Variants in GNA12 observed in about 807,000 individuals in gnomAD.
GNA12 encodes the protein G protein subunit alpha 12, also known as guanine nucleotide-binding protein subunit alpha-12.
In GNA12, 9 loss-of-function variants were observed where a neutral mutation model predicts 26.0. The ratio of observed to expected loss-of-function variants is 0.35; its 90% CI spans 0.21 to 0.60. The LOEUF is 0.60. GNA12 is among the 20% of genes least tolerant of loss of function. GNA12 has a pLI of 0.78. For missense variants in GNA12, 405 were observed against 525.8 expected, an observed-to-expected ratio of 0.77 and a Z score of 2.25; for synonymous variants, 264 against 219.6, an observed-to-expected ratio of 1.20 and a Z score of -1.79.
chr7:2,765,054 A>G (rs1791746692), intron 2 of GNA12: 1 of 152,226 alleles, frequency 6.6e-6, no homozygotes, highest in Non-Finnish European at 1.5e-5. Context: ...AGAAATCTGA[A>G]TCCAGGGAAT....
chr7:2,734,489 G>A (rs575623786), intron 2 of GNA12, among the ~76,000 whole-genome samples: 20 of 152,314 alleles, frequency 1.3e-4, no homozygotes, highest in Middle Eastern at 3.4e-3. Flanking sequence ...CACATGTGGC[G>A]AGCTGACGCA....
intron 2 of GNA12, among the ~76,000 whole-genome samples, chr7:2,757,197 A>G (rs1348757410): frequency 7.6e-6 from 1 of 131,876 alleles, no homozygotes; most frequent in East Asian, 2.3e-4. Flanking sequence ...GTGTAGTGGC[A>G]CGATCTTGGC....
intron 2 of GNA12, among the ~76,000 whole-genome samples, chr7:2,794,022 A>C (rs1157578075): frequency 6.6e-6 from 1 of 152,238 alleles, no homozygotes; most frequent in Non-Finnish European, 1.5e-5. Context: ...AAAAGGGAAG[A>C]ACCGCTGCTA....
At chr7:2,793,197 G>C (rs1032440940) in intron 2 of GNA12, among the ~76,000 whole-genome samples, 1 of 152,220 alleles carries the variant, frequency 6.6e-6, no homozygotes, top group Non-Finnish European at 1.5e-5. Flanking sequence ...GAAAGATCAA[G>C]GAGCTATCAT....
chr7:2,781,347 C>A (rs904515325), intron 2 of GNA12, among the ~76,000 whole-genome samples: 2 of 151,906 alleles, frequency 1.3e-5, no homozygotes, highest in Non-Finnish European at 2.9e-5. Flanking sequence ...CACACACACA[C>A]GCACACGTTA....
chr7:2,842,943 C>T (rs540293900), intron 1 of GNA12, among the ~76,000 whole-genome samples: 2 of 152,192 alleles, frequency 1.3e-5, no homozygotes, highest in Non-Finnish European at 2.9e-5. Flanking sequence ...TTTAGTTGGG[C>T]TGTAGGTACT....
At chr7:2,759,047 G>A (rs1452285988) in intron 2 of GNA12, among the ~76,000 whole-genome samples, 3 of 151,974 alleles carry the variant, frequency 2.0e-5, no homozygotes, top group Non-Finnish European at 4.4e-5. Context: ...GGCTGAGGCA[G>A]GAGAATCACT....
At chr7:2,838,690 G>T (rs1778906452) in intron 1 of GNA12, among the ~76,000 whole-genome samples, 2 of 151,590 alleles carry the variant, frequency 1.3e-5, no homozygotes, top group Admixed American at 1.3e-4. Context: ...TCAAAACAAG[G>T]GTATTAAAAG....
intron 2 of GNA12, among the ~76,000 whole-genome samples, chr7:2,778,356 A>C (rs1792131590): frequency 6.6e-6 from 1 of 152,206 alleles, no homozygotes; most frequent in African/African-American, 2.4e-5. Context: ...TGAGTCTCCG[A>C]TCACCACTTA....
At chr7:2,839,228 C>G (rs1778921439) in intron 1 of GNA12, among the ~76,000 whole-genome samples, 1 of 147,676 alleles carries the variant, frequency 6.8e-6, no homozygotes, top group African/African-American at 2.5e-5. Context: ...AGAGAGACAA[C>G]AGGAAAATCT....
chr7:2,778,118 T>C lies in GNA12; in HGVS notation c.525+16810A>G, dbSNP rs185512127. Among the ~76,000 whole-genome samples the C allele has an allele frequency of 5.8e-4, 89 of 152,332 alleles. 1 individual carries two copies. The highest frequency in any genetic ancestry group is 6.5e-5 in the Admixed American group (1 of 15,304). ...AGTCTTTTCCAAAGACTCGCTGGGA[T>C]ACATGTGTCCAGTTGTTAATACTGG... On this transcript the variant is annotated intron_variant, in intron 2 of 3. Transcript: ENST00000275364.
chr7:2,737,269 G>GGTTTTTTTTTTTTTTTTTTTTTTTTTTTT (rs1790236955), intron 2 of GNA12, among the ~76,000 whole-genome samples: 1 of 38,112 alleles, frequency 2.6e-5, no homozygotes, highest in African/African-American at 9.4e-5. Context: ...TCACAGTTTT[G>GGTTTTTTTTTTTTTTTTTTTTTTTTTTTT]TTTTGTTTTT....
At chr7:2,759,523 A>T (rs1416619151) in intron 2 of GNA12, among the ~76,000 whole-genome samples, 1 of 152,226 alleles carries the variant, frequency 6.6e-6, no homozygotes, top group Non-Finnish European at 1.5e-5. Flanking sequence ...AAGACAAGTA[A>T]AAGGAAAGGA....
intron 1 of GNA12, among the ~76,000 whole-genome samples, chr7:2,836,946 C>T (rs978794146): frequency 6.6e-6 from 1 of 152,086 alleles, no homozygotes; most frequent in Non-Finnish European, 1.5e-5. Flanking sequence ...AAAACAAATA[C>T]AAGAGAAAAC....
At chr7:2,751,583 C>CA (rs1220678745) in intron 2 of GNA12, among the ~76,000 whole-genome samples, 1 of 151,898 alleles carries the variant, frequency 6.6e-6, no homozygotes, top group Non-Finnish European at 1.5e-5. Flanking sequence ...TTAACAAGGC[C>CA]AAATGTTGGT....
chr7:2,741,808 A>C (rs1331214301), intron 2 of GNA12, among the ~76,000 whole-genome samples: 1 of 151,354 alleles, frequency 6.6e-6, no homozygotes, highest in Non-Finnish European at 1.5e-5. Context: ...CGGCAACTTC[A>C]GGTGCTGCTT....
rs1791645762 is a variant in GNA12, at chr7:2,763,092, A to G, written c.526-29591T>C. On this transcript the variant is annotated intron_variant, in intron 2 of 3. Coordinates refer to ENST00000275364, the MANE Select transcript of GNA12 (RefSeq NM_007353.3). ...GCTCCCTACCAGCCTTGAGTGAGAG[A>G]CCACAAGCAGCCTCTGAAGTCATCT... is the stretch of plus-strand genomic sequence containing the variant. The G allele has an allele frequency of 7.2e-6, 9 of 1,249,470 alleles. No homozygotes were observed. The East Asian group carries it at 2.8e-4, about 39-fold the overall frequency. The allele number at this position is 1,249,470 out of a possible 1,614,324, so 77.4% of individuals were successfully genotyped here.
At chr7:2,825,835 T>G (rs1010452052) in intron 1 of GNA12, among the ~76,000 whole-genome samples, 61 of 152,034 alleles carry the variant, frequency 4.0e-4, no homozygotes, top group African/African-American at 1.5e-3. Context: ...TAGAGTACGC[T>G]CATTCCAGCG....
intron 1 of GNA12, among the ~76,000 whole-genome samples, chr7:2,810,165 A>C (rs924422661): frequency 6.6e-6 from 1 of 152,190 alleles, no homozygotes; most frequent in African/African-American, 2.4e-5. Context: ...TGAACAGCAG[A>C]GATTTCTTTC....
Sources: allele counts gnomAD v4.1 joint callset (sites outside exome capture counted in the v4.1 genomes callset), GRCh38; gene constraint gnomAD v4.1.1; transcripts MANE v1.5; gene names NCBI Gene and HGNC (gene_info 2026-07-23, HGNC 2026-07-21).